The following SYNPR variants were observed in gnomAD, a reference collection of about 807,000 sequenced individuals.
The protein encoded by SYNPR is synaptoporin.
Under a neutral mutation model 32.9 loss-of-function variants are expected in SYNPR, and 23 were observed. The observed-to-expected ratio is 0.70, with a 90% CI of 0.50 to 0.99. The LOEUF is 0.99. SYNPR is among the 50% of genes least tolerant of loss of function. The pLI is 0.00. For missense variants in SYNPR, 318 were observed against 349.3 expected (o/e 0.91, Z 0.71); for synonymous variants, 146 against 135.9 (o/e 1.07, Z -0.52).
chr3:63,323,676 A>C (rs1222700362), intron 2 of SYNPR, among the ~76,000 whole-genome samples: 1 of 152,104 alleles, frequency 6.6e-6, no homozygotes, highest in Non-Finnish European at 1.5e-5. Flanking sequence ...TAAGGTTTAT[A>C]GGGTGGTTCT....
chr3:63,558,191 T>C (rs1702625060), intron 4 of SYNPR, among the ~76,000 whole-genome samples: 1 of 152,178 alleles, frequency 6.6e-6, no homozygotes, highest in African/African-American at 2.4e-5. Flanking sequence ...GGCTGTCCAA[T>C]CTTAAACTTC....
At chr3:63,224,079 T>A (rs1456085151), upstream of SYNPR, among the ~76,000 whole-genome samples, 1 of 152,114 alleles carries the variant, frequency 6.6e-6, no homozygotes, top group African/African-American at 2.4e-5. Flanking sequence ...TGGAAAGAAA[T>A]GAGAATTTTC....
intron 2 of SYNPR, among the ~76,000 whole-genome samples, chr3:63,385,362 A>G (rs2088025838): frequency 6.6e-6 from 1 of 152,216 alleles, no homozygotes; most frequent in African/African-American, 2.4e-5. Context: ...TTCTTGATGT[A>G]CTAAAAAACA....
chr3:63,427,940 C>T (rs1036553623), intron 2 of SYNPR, among the ~76,000 whole-genome samples: 4 of 152,202 alleles, frequency 2.6e-5, no homozygotes, highest in African/African-American at 9.7e-5. Context: ...TTCAGTGCCT[C>T]TCAACTCCAG....
rs145689102 is a variant in SYNPR at position 63,610,548 on chromosome 3, G to C, written c.600+1232G>C. The C allele has an allele frequency of 2.0e-3, 1,359 of 695,830 alleles. 1 individual carries two copies. Among genetic ancestry groups the C allele is most frequent in the Middle Eastern group, 2.3e-3 (10 of 4,338 alleles). 43.1% of individuals were successfully genotyped at this position (695,830 alleles called of 1,614,324 possible). ...CTACTCTGACTGGACTGTGATTTCT[G>C]CTTTGGTGAGATAGTAACCATGAAA... On this transcript the variant is annotated intron_variant, in intron 5 of 5. Transcript: ENST00000478300.
At chr3:63,417,762 T>C (rs6792490) in intron 2 of SYNPR, among the ~76,000 whole-genome samples, 18,752 of 152,254 alleles carry the variant, frequency 0.12, 1,204 homozygotes, top group South Asian at 0.17. Flanking sequence ...GCCTGAACTC[T>C]ACCTTGGCCC....
intron 1 of SYNPR, among the ~76,000 whole-genome samples, chr3:63,248,397 T>C (rs574810029): frequency 2.2e-4 from 34 of 152,262 alleles, no homozygotes; most frequent in African/African-American, 8.2e-4. Flanking sequence ...GGAACCTAAG[T>C]GTTTCTCAGA....
In SYNPR at chr3:63,408,200, GGAAGGA is replaced by G. The variant is rs1560220880; in HGVS notation, c.85-72631_85-72626del. On this transcript the variant is annotated intron_variant, in intron 2 of 5. Coordinates refer to ENST00000478300, the MANE Select transcript of SYNPR (RefSeq NM_001130003.2). The stretch of plus-strand genomic sequence containing the variant: ...AAAGAAAGAAAGAAAGAAAGAGGAA[GGAAGGA>G]AGGAAGGAAGGAAGGAAGGAAGGAA... 4.5e-3 allele frequency among the ~76,000 whole-genome samples: 198 copies of G among 43,550 alleles called. 10 individuals carry two copies. The highest frequency in any genetic ancestry group is 5.7e-3 in the Non-Finnish European group (145 of 25,418). 28.6% of individuals were successfully genotyped at this position (43,550 alleles called of 152,430 possible).
chr3:63,530,263 T>G lies in SYNPR; in HGVS notation c.210-26280T>G, dbSNP rs556075484. 1.2e-3 allele frequency among the ~76,000 whole-genome samples: 190 copies of G among 152,346 alleles called. 1 individual carries two copies. Among genetic ancestry groups the G allele is most frequent in the African/African-American group, 4.4e-3 (185 of 41,584 alleles). On this transcript the variant is annotated intron_variant, in intron 3 of 5. Coordinates refer to ENST00000478300, the MANE Select transcript of SYNPR (RefSeq NM_001130003.2). ...AATTACGCAGCCTATTCTGCCTTTTTTGTAGGGTGAGGGGGCACACCTAAC... is the reference window on the plus strand; with the variant it reads ...AATTACGCAGCCTATTCTGCCTTTTGTGTAGGGTGAGGGGGCACACCTAAC...
At chr3:63,249,681 C>A (rs1390762845) in intron 1 of SYNPR, among the ~76,000 whole-genome samples, 1 of 152,052 alleles carries the variant, frequency 6.6e-6, no homozygotes, top group Non-Finnish European at 1.5e-5. Flanking sequence ...CCACCTGTAC[C>A]CCAATAACTT....
At chr3:63,289,642 T>C (rs2367784) in intron 2 of SYNPR, 70,467 of 151,848 alleles carry the variant, frequency 0.46, 16,534 homozygotes, top group Middle Eastern at 0.52. Context: ...ACACCTCCTA[T>C]TGGGCCCCAC....
Position 63,514,330 on chromosome 3 carries a change from G to C in SYNPR, c.209+33374G>C, listed in dbSNP as rs9877280. 6.8e-3 allele frequency among the ~76,000 whole-genome samples: 1,043 copies of C among 152,318 alleles called. 12 individuals are homozygous for C. Among genetic ancestry groups the C allele is most frequent in the African/African-American group, 0.023 (962 of 41,580 alleles). The stretch of plus-strand genomic sequence containing the variant: ...GATGCTTGTCTTCAGGGTGAGTAAC[G>C]TGCCATTGCACATCTTTACACCTGC... On this transcript the variant is annotated intron_variant, in intron 3 of 5. Transcript: ENST00000478300.
At chr3:63,329,071 A>T (rs2087196733) in intron 2 of SYNPR, among the ~76,000 whole-genome samples, 1 of 152,194 alleles carries the variant, frequency 6.6e-6, no homozygotes, top group South Asian at 2.1e-4. Flanking sequence ...AGTAATAACT[A>T]TTATCAACGA....
At chr3:63,382,967 A>G (rs2087991952) in intron 2 of SYNPR, among the ~76,000 whole-genome samples, 1 of 148,084 alleles carries the variant, frequency 6.8e-6, no homozygotes, top group Non-Finnish European at 1.5e-5. Flanking sequence ...CTGTTACTAC[A>G]ATCTGCTCAT....
chr3:63,434,477 T>C (rs1413200033), intron 2 of SYNPR, among the ~76,000 whole-genome samples: 3 of 152,162 alleles, frequency 2.0e-5, no homozygotes, highest in Non-Finnish European at 4.4e-5. Flanking sequence ...CCCCCCTTCA[T>C]GGGGAAATGA....
chr3:63,360,075 A>T (rs2087636323), intron 2 of SYNPR, among the ~76,000 whole-genome samples: 1 of 152,202 alleles, frequency 6.6e-6, no homozygotes, highest in Non-Finnish European at 1.5e-5. Flanking sequence ...CTTCTGTGTG[A>T]CATCTCCACC....
intron 2 of SYNPR, among the ~76,000 whole-genome samples, chr3:63,308,365 G>A (rs2086929075): frequency 6.6e-6 from 1 of 151,922 alleles, no homozygotes. Flanking sequence ...CAACTCGATT[G>A]AGATATAATT....
chr3:63,564,738 A>T (rs1702753052), intron 4 of SYNPR, among the ~76,000 whole-genome samples: 1 of 152,136 alleles, frequency 6.6e-6, no homozygotes, highest in Admixed American at 6.5e-5. Flanking sequence ...GCTCTTTTTC[A>T]GCTTTTTAAC....
intron 2 of SYNPR, among the ~76,000 whole-genome samples, chr3:63,437,689 GA>G (rs1383579255): frequency 6.6e-6 from 1 of 151,942 alleles, no homozygotes; most frequent in East Asian, 1.9e-4. Context: ...AGGAAAGAAA[GA>G]AGAAAGAGAA....
Sources: allele counts gnomAD v4.1 joint callset (sites outside exome capture counted in the v4.1 genomes callset), GRCh38; gene constraint gnomAD v4.1.1; transcripts MANE v1.5; gene names NCBI Gene and HGNC (gene_info 2026-07-23, HGNC 2026-07-21).